The following TCERG1L variants were observed in gnomAD, a reference collection of about 807,000 sequenced individuals.
TCERG1L encodes the protein transcription elongation regulator 1 like.
A neutral mutation model predicts 56.3 loss-of-function variants in TCERG1L; 37 were observed. That is an observed-to-expected ratio of 0.66 (90% CI 0.51 to 0.87). The LOEUF is 0.87. Ranked by LOEUF, TCERG1L falls within the 40% of genes least tolerant of loss-of-function variation. The probability of loss-of-function intolerance (pLI) is 0.00; values close to 1 mark genes in which losing one functional copy is unlikely to be tolerated. For missense variants in TCERG1L, 799 were observed against 774.2 expected, an observed-to-expected ratio of 1.03 and a Z score of -0.38; for synonymous variants, 324 against 326.3, an observed-to-expected ratio of 0.99 and a Z score of 0.08.
chr10:131,155,494 C>T (rs1200726410), intron 6 of TCERG1L, among the ~76,000 whole-genome samples: 1 of 152,194 alleles, frequency 6.6e-6, no homozygotes, highest in Non-Finnish European at 1.5e-5. Flanking sequence ...ACAGGTTCAG[C>T]CAGGCTCCAC....
intron 4 of TCERG1L, among the ~76,000 whole-genome samples, chr10:131,187,024 G>T (rs1042037937): frequency 2.5e-4 from 38 of 152,160 alleles, no homozygotes; most frequent in Non-Finnish European, 1.3e-4. Context: ...TCCCACAGGA[G>T]CTCTTTGTCC....
chr10:131,217,165 T>C (rs1845678337), intron 4 of TCERG1L, among the ~76,000 whole-genome samples: 1 of 152,068 alleles, frequency 6.6e-6, no homozygotes. Context: ...GGTGATGGGA[T>C]CCTGGGGTGG....
intron 4 of TCERG1L, among the ~76,000 whole-genome samples, chr10:131,240,433 C>T (rs1845958402): frequency 6.6e-6 from 1 of 151,888 alleles, no homozygotes; most frequent in African/African-American, 2.4e-5. Context: ...CCATAAATTT[C>T]CTGAGAGCAG....
At chr10:131,105,544 A>G (rs1234091563) in intron 9 of TCERG1L, among the ~76,000 whole-genome samples, 1 of 152,146 alleles carries the variant, frequency 6.6e-6, no homozygotes, top group Non-Finnish European at 1.5e-5. Context: ...GCTGGACTCC[A>G]GTCATGAGTG....
At chr10:131,236,305 G>A (rs1307043548) in intron 4 of TCERG1L, among the ~76,000 whole-genome samples, 10 of 152,156 alleles carry the variant, frequency 6.6e-5, no homozygotes, top group African/African-American at 2.4e-4. Flanking sequence ...ATTAGCTATT[G>A]CTACCTTTTT....
intron 3 of TCERG1L, among the ~76,000 whole-genome samples, chr10:131,278,140 C>T (rs557466077): frequency 3.9e-5 from 6 of 151,964 alleles, no homozygotes; most frequent in East Asian, 2.0e-4. Context: ...ATCTGAGCAC[C>T]GGTGGGGCTC....
At chr10:131,254,217 C>T (rs942980510) in intron 4 of TCERG1L, among the ~76,000 whole-genome samples, 1 of 151,396 alleles carries the variant, frequency 6.6e-6, no homozygotes, top group African/African-American at 2.4e-5. Flanking sequence ...AGTAAGGGTG[C>T]AGGTGGGTCA....
At chr10:131,200,997 G>T (rs1845427410) in intron 4 of TCERG1L, among the ~76,000 whole-genome samples, 1 of 152,110 alleles carries the variant, frequency 6.6e-6, no homozygotes, top group African/African-American at 2.4e-5. Flanking sequence ...CCTCCCCTCG[G>T]GCGGATACAG....
intron 8 of TCERG1L, among the ~76,000 whole-genome samples, chr10:131,129,384 G>A (rs751275321): frequency 2.0e-5 from 3 of 152,184 alleles, no homozygotes; most frequent in African/African-American, 7.2e-5. Flanking sequence ...ATATGATGTC[G>A]GGGGTTTGTT....
At chr10:131,310,567 A>C (rs1229952312) in intron 1 of TCERG1L, among the ~76,000 whole-genome samples, 1 of 152,262 alleles carries the variant, frequency 6.6e-6, no homozygotes, top group Admixed American at 6.5e-5. Flanking sequence ...CTGACAATGA[A>C]TCTTGCCCAA....
intron 4 of TCERG1L, among the ~76,000 whole-genome samples, chr10:131,191,882 A>AAAAAAAAG (rs1845306735): frequency 7.3e-6 from 1 of 137,718 alleles, no homozygotes; most frequent in Admixed American, 7.3e-5. Context: ...AAAAAAAAAA[A>AAAAAAAAG]AAAAAAAGAA....
rs1307439154 is a variant in TCERG1L, at chr10:131,260,006, A to G, written c.856+253T>C. 6.6e-6 allele frequency among the ~76,000 whole-genome samples: 1 copy of G among 152,210 alleles called. No homozygotes were observed. The highest frequency in any genetic ancestry group is 1.9e-4 in the East Asian group (1 of 5,178). On this transcript the variant is annotated intron_variant, in intron 4 of 11. Coordinates refer to ENST00000368642, the MANE Select transcript of TCERG1L (RefSeq NM_174937.4). The surrounding 1 kb of genome is among the most constrained non-coding windows in gnomAD (Gnocchi z 5.8). ...GTAAAGAGAAGTCTCATTTCCTCAA[A>G]CGGAAGCTTTCACCTTGGCTTTACA...
At chr10:131,203,426 T>G (rs7907609) in intron 4 of TCERG1L, among the ~76,000 whole-genome samples, 41,615 of 152,090 alleles carry the variant, frequency 0.27, 5,918 homozygotes, top group South Asian at 0.46. Context: ...TAAGACCTCT[T>G]TGACCAGACA....
At chr10:131,224,727 C>T (rs952836893) in intron 4 of TCERG1L, among the ~76,000 whole-genome samples, 3 of 152,146 alleles carry the variant, frequency 2.0e-5, no homozygotes, top group East Asian at 3.9e-4. Context: ...CCATCGCAGG[C>T]TCCTGTGGCC....
At position 131,134,416 on chromosome 10, in the gene TCERG1L, T is replaced by G; in HGVS notation, c.1222A>C (p.Asn408His). Residue 408 changes from asparagine (N) to histidine (H), a missense_variant, in exon 8 of 12, where the codon AAC becomes CAC. By Grantham distance (68) the Asn-to-His change is moderately conservative. Coordinates refer to ENST00000368642, the MANE Select transcript of TCERG1L (RefSeq NM_174937.4). ...GTTTTCACATCTTGGTCTTCCCTGTTGTCTTCAGAACTGGACCCATCGCTG... is the reference window on the plus strand; with the variant it reads ...GTTTTCACATCTTGGTCTTCCCTGTGGTCTTCAGAACTGGACCCATCGCTG... ...DNSDGSSSED[N>H]REDQDVKTKR... The G allele has an allele frequency of 1.3e-6, 2 of 1,596,420 alleles. No individual in the cohort carries two copies. Among genetic ancestry groups the G allele is most frequent in the Non-Finnish European group, 1.7e-6 (2 of 1,170,854 alleles).
In TCERG1L at chr10:131,142,791, G is replaced by GC. The variant is rs1240908006; in HGVS notation, c.1189+3714dup. Among the ~76,000 whole-genome samples, 6 of 152,308 alleles carry GC rather than the reference G, an allele frequency of 3.9e-5. No individual in the cohort carries two copies. In the East Asian group the frequency reaches 9.7e-4, roughly 25 times the overall value. Reference sequence around the variant, plus strand: ...AAGCAGGCACGGGCCACAGATTCATGCCCCCCACCATTCCCAAGCAATGTC... The same window carrying GC: ...AAGCAGGCACGGGCCACAGATTCATGCCCCCCCACCATTCCCAAGCAATGTC... On this transcript the variant is annotated intron_variant, in intron 7 of 11. Coordinates refer to ENST00000368642, the MANE Select transcript of TCERG1L (RefSeq NM_174937.4).
chr10:131,155,171 C>T (rs1468856966), intron 6 of TCERG1L, among the ~76,000 whole-genome samples: 1 of 152,218 alleles, frequency 6.6e-6, no homozygotes, highest in Non-Finnish European at 1.5e-5. Flanking sequence ...ACAACGGAGG[C>T]TTCTTGGCTG....
intron 4 of TCERG1L, among the ~76,000 whole-genome samples, chr10:131,202,394 C>T (rs1845449306): frequency 6.6e-6 from 1 of 152,128 alleles, no homozygotes; most frequent in South Asian, 2.1e-4. Context: ...CCAGTCTGCG[C>T]AACATGGTGA....
At chr10:131,256,895 AAGAG>A (rs1298886462) in intron 4 of TCERG1L, among the ~76,000 whole-genome samples, 2 of 150,030 alleles carry the variant, frequency 1.3e-5, no homozygotes, top group African/African-American at 4.9e-5. Context: ...AAGAAAAAGA[AAGAG>A]AGAAAGACAA....
Sources: gnomAD v4.1 joint callset for allele counts (sites outside exome capture counted in the v4.1 genomes callset) on GRCh38, gnomAD v4.1.1 for gene constraint, Gnocchi (gnomAD v3.1) non-coding constraint, MANE v1.5 for transcripts, NCBI Gene and HGNC (gene_info 2026-07-23, HGNC 2026-07-21) for gene names.